The following ZHX2 variants were observed in gnomAD, a reference collection of about 807,000 sequenced individuals.
ZHX2 encodes the protein zinc fingers and homeoboxes 2.
In ZHX2, 6 loss-of-function variants were observed where a neutral mutation model predicts 21.9. The ratio of observed to expected loss-of-function variants is 0.27; its 90% confidence interval spans 0.15 to 0.54. The LOEUF is 0.54. ZHX2 is among the 20% of genes least tolerant of loss of function. The pLI, the probability that ZHX2 is intolerant of heterozygous loss-of-function variation, is 0.95. For synonymous variants in ZHX2, 434 were observed against 437.1 expected (o/e 0.99, Z 0.09); for missense variants, 908 against 1,090.7 (o/e 0.83, Z 2.36).
At chr8:122,859,462 G>A (rs549265382) in intron 1 of ZHX2, among the ~76,000 whole-genome samples, 1 of 152,342 alleles carries the variant, frequency 6.6e-6, no homozygotes, top group East Asian at 1.9e-4. Context: ...TGGAGGGGAA[G>A]GCGGCATTAA....
At chr8:122,920,436 T>G (rs1170332403) in intron 2 of ZHX2, among the ~76,000 whole-genome samples, 1 of 152,134 alleles carries the variant, frequency 6.6e-6, no homozygotes, top group African/African-American at 2.4e-5. Flanking sequence ...TAGTGTACAA[T>G]TCTATGAGTT....
At position 122,932,382 on chromosome 8, in the gene ZHX2, C is replaced by T. The variant is rs930202741; in HGVS notation, c.-219-18910C>T. Among the ~76,000 whole-genome samples, 35 of 152,174 alleles carry T rather than the reference C, an allele frequency of 2.3e-4. 1 individual carries two copies. Among genetic ancestry groups the T allele is most frequent in the African/African-American group, 6.3e-4 (26 of 41,434 alleles). ...AGCTAAAGTCAAGGTATTGGCGGGC[C>T]GGCTCCTTCTGGAGGCTTCAGGGAG... On this transcript the variant is annotated intron_variant, in intron 2 of 3. Transcript: ENST00000314393.
intron 2 of ZHX2, among the ~76,000 whole-genome samples, chr8:122,927,163 A>G (rs1243844461): frequency 6.6e-6 from 1 of 152,148 alleles, no homozygotes; most frequent in Non-Finnish European, 1.5e-5. Flanking sequence ...TGAATCAATA[A>G]ATAGTGTTGT....
intron 1 of ZHX2, among the ~76,000 whole-genome samples, chr8:122,785,879 G>A (rs1451597337): frequency 6.6e-6 from 1 of 152,174 alleles, no homozygotes; most frequent in Non-Finnish European, 1.5e-5. Context: ...AGGTACTAGG[G>A]AGCTATGGCA....
chr8:122,791,622 T>G (rs1817520734), intron 1 of ZHX2, among the ~76,000 whole-genome samples: 1 of 152,174 alleles, frequency 6.6e-6, no homozygotes, highest in Non-Finnish European at 1.5e-5. Context: ...CCTAGCACTT[T>G]GGGAGGCCGA....
intron 2 of ZHX2, among the ~76,000 whole-genome samples, chr8:122,910,532 G>A (rs148757127): frequency 6.6e-6 from 1 of 152,358 alleles, no homozygotes; most frequent in Admixed American, 6.5e-5. Context: ...GCAAAATGAA[G>A]ATGCAGGACC....
chr8:122,888,731 C>T (rs1267876179), intron 2 of ZHX2, among the ~76,000 whole-genome samples: 1 of 152,214 alleles, frequency 6.6e-6, no homozygotes, highest in African/African-American at 2.4e-5. Flanking sequence ...AATCTGCCCT[C>T]CTCGGCCTCC....
chr8:122,913,444 T>C (rs1371472272), intron 2 of ZHX2, among the ~76,000 whole-genome samples: 1 of 152,180 alleles, frequency 6.6e-6, no homozygotes, highest in Non-Finnish European at 1.5e-5. Flanking sequence ...AATAATTTCT[T>C]CCAAGGAGCC....
chr8:122,916,869 C>T (rs1018248118), intron 2 of ZHX2, among the ~76,000 whole-genome samples: 12 of 152,216 alleles, frequency 7.9e-5, no homozygotes, highest in Admixed American at 2.6e-4. Flanking sequence ...TGTCTCCTGA[C>T]CTCCATCCAC....
intron 1 of ZHX2, among the ~76,000 whole-genome samples, chr8:122,788,453 G>A (rs1376403546): frequency 6.6e-6 from 1 of 152,196 alleles, no homozygotes; most frequent in Non-Finnish European, 1.5e-5. Flanking sequence ...TGTAGTCCCA[G>A]CTACTTGGGA....
intron 1 of ZHX2, among the ~76,000 whole-genome samples, chr8:122,832,956 G>A (rs533205187): frequency 2.0e-5 from 3 of 152,142 alleles, no homozygotes; most frequent in Admixed American, 6.5e-5. Context: ...GAGAGTGGAC[G>A]GTTTTAGGGA....
At chr8:122,899,798 G>A (rs557813180) in intron 2 of ZHX2, among the ~76,000 whole-genome samples, 127 of 152,340 alleles carry the variant, frequency 8.3e-4, no homozygotes, top group South Asian at 1.0e-3. Context: ...TGGAAATTAT[G>A]CAGGCAGTTT....
intron 2 of ZHX2, among the ~76,000 whole-genome samples, chr8:122,891,888 T>C (rs1367970316): frequency 6.6e-6 from 1 of 152,240 alleles, no homozygotes; most frequent in Non-Finnish European, 1.5e-5. Flanking sequence ...AAAGAAAGTG[T>C]ATTCTGCAGC....
At chr8:122,849,557 T>G (rs1818838343) in intron 1 of ZHX2, among the ~76,000 whole-genome samples, 1 of 152,200 alleles carries the variant, frequency 6.6e-6, no homozygotes, top group African/African-American at 2.4e-5. Context: ...CTGGCATTCC[T>G]TGTGGCTGCA....
At chr8:122,879,958 G>C (rs1819666174) in intron 2 of ZHX2, among the ~76,000 whole-genome samples, 1 of 149,138 alleles carries the variant, frequency 6.7e-6, no homozygotes, top group Non-Finnish European at 1.5e-5. Context: ...CACTGAGAGA[G>C]GTTCTATTGT....
chr8:122,789,498 A>G (rs957801275), intron 1 of ZHX2, among the ~76,000 whole-genome samples: 4 of 152,200 alleles, frequency 2.6e-5, no homozygotes, highest in African/African-American at 9.7e-5. Flanking sequence ...ATAGATTAAG[A>G]TATTTGCACA....
chr8:122,857,056 G>A (rs1294134672), intron 1 of ZHX2, among the ~76,000 whole-genome samples: 3 of 152,032 alleles, frequency 2.0e-5, no homozygotes, highest in Non-Finnish European at 4.4e-5. Context: ...CATGCCCTTC[G>A]CCGCTCATTC....
chr8:122,858,624 T>A (rs1819087520), intron 1 of ZHX2, among the ~76,000 whole-genome samples: 1 of 145,946 alleles, frequency 6.9e-6, no homozygotes, highest in African/African-American at 2.5e-5. Flanking sequence ...TAACTCCTTT[T>A]TTTTTCTTTC....
intron 3 of ZHX2, among the ~76,000 whole-genome samples, chr8:122,955,941 T>G (rs184976474): frequency 0.032 from 4,665 of 147,372 alleles, 103 homozygotes; most frequent in Admixed American, 0.074. Flanking sequence ...ACCTCTTGGG[T>G]TCAAGCAGTT....
Sources: gnomAD v4.1 joint callset for allele counts (sites outside exome capture counted in the v4.1 genomes callset) on GRCh38, gnomAD v4.1.1 for gene constraint, MANE v1.5 for transcripts, NCBI Gene and HGNC (gene_info 2026-07-23, HGNC 2026-07-21) for gene names.